FBXL2: variants seen among roughly 807,000 people sequenced by gnomAD.
The protein encoded by FBXL2 is F-box/LRR-repeat protein 2.
Under a neutral mutation model 69.2 loss-of-function variants are expected in FBXL2, and 38 were observed. The ratio of observed to expected loss-of-function variants is 0.55; its 90% confidence interval spans 0.42 to 0.72. The LOEUF (loss-of-function observed/expected upper bound fraction) is 0.72, where lower values mean the gene tolerates loss of function less well. Among genes scored for constraint, FBXL2 ranks in the 30% least tolerant of loss-of-function variants. FBXL2 has a pLI of 0.00. For synonymous variants in FBXL2, 192 were observed against 201.3 expected, an observed-to-expected ratio of 0.95 and a Z score of 0.39; for missense variants, 354 against 520.3, an observed-to-expected ratio of 0.68 and a Z score of 3.11.
intron 13 of FBXL2, among the ~76,000 whole-genome samples, chr3:33,379,759 A>G (rs1176419040): frequency 1.3e-5 from 2 of 152,190 alleles, no homozygotes; most frequent in African/African-American, 4.8e-5. Context: ...CTGTAACAAA[A>G]TATTAGCAAA....
chr3:33,357,508 C>G (rs1011037851), intron 2 of FBXL2, among the ~76,000 whole-genome samples: 31 of 145,524 alleles, frequency 2.1e-4, no homozygotes, highest in African/African-American at 7.1e-4. Context: ...CAGCATTTTT[C>G]TATGTACAAA....
At chr3:33,354,296 C>T (rs1248892918) in intron 2 of FBXL2, among the ~76,000 whole-genome samples, 1 of 151,890 alleles carries the variant, frequency 6.6e-6, no homozygotes, top group Non-Finnish European at 1.5e-5. Flanking sequence ...GGTGGATCAC[C>T]TGAGGTCAGG....
Position 33,384,073 on chromosome 3 carries a change from C to T in FBXL2, c.1036C>T (p.Leu346=), listed in dbSNP as rs1575423319. Residue 346 remains leucine, a synonymous_variant, in exon 14 of 15, where the codon CTG becomes TTG. Transcript: ENST00000484457. ...STCGHERLRV[L]ELDNCLLITD... ...CTGTGGCCATGAGAGGCTGCGGGTACTGGAGTTGGACAACTGCCTCCTCAT... is the reference window on the plus strand; with the variant it reads ...CTGTGGCCATGAGAGGCTGCGGGTATTGGAGTTGGACAACTGCCTCCTCAT... 1.9e-6 allele frequency: 3 copies of T among 1,614,180 alleles called. No individual in the cohort carries two copies. Among genetic ancestry groups the T allele is most frequent in the African/African-American group, 2.7e-5 (2 of 75,056 alleles).
intron 5 of FBXL2, 126 bp from the exon 6 acceptor site, chr3:33,372,966 C>T: frequency 1.2e-6 from 1 of 808,028 alleles, no homozygotes. Context: ...GACAAGAACC[C>T]TAGCTGATTG....
intron 2 of FBXL2, among the ~76,000 whole-genome samples, chr3:33,347,414 C>A (rs1051184134): frequency 3.3e-5 from 5 of 152,174 alleles, no homozygotes; most frequent in Non-Finnish European, 7.3e-5. Flanking sequence ...TTAATCCATT[C>A]GTCTGCTGAT....
chr3:33,279,526 C>T (rs2033732214), intron 1 of FBXL2, among the ~76,000 whole-genome samples: 1 of 152,168 alleles, frequency 6.6e-6, no homozygotes, highest in Admixed American at 6.5e-5. Context: ...GCCTTGGCCT[C>T]CCAAGCTGGG....
intron 2 of FBXL2, among the ~76,000 whole-genome samples, chr3:33,345,581 CCAA>C (rs2040371288): frequency 6.6e-6 from 1 of 152,180 alleles, no homozygotes; most frequent in South Asian, 2.1e-4. Context: ...AATGCTTTAT[CCAA>C]CAACAACAAA....
At chr3:33,281,547 T>C (rs2125668092) in intron 1 of FBXL2, among the ~76,000 whole-genome samples, 1 of 152,346 alleles carries the variant, frequency 6.6e-6, no homozygotes, top group African/African-American at 2.4e-5. Flanking sequence ...TATAATCCTT[T>C]GGGTATATAC....
chr3:33,394,640 G>A (rs1034231879), intron 12 of FBXL2, among the ~76,000 whole-genome samples: 3 of 152,044 alleles, frequency 2.0e-5, no homozygotes, highest in African/African-American at 7.2e-5. Context: ...ACATGGATCA[G>A]GAATATCATT....
At chr3:33,352,590 T>C (rs2040899056) in intron 2 of FBXL2, among the ~76,000 whole-genome samples, 1 of 152,192 alleles carries the variant, frequency 6.6e-6, no homozygotes, top group South Asian at 2.1e-4. Flanking sequence ...TAAAGAACTT[T>C]TAAAACTCAG....
At chr3:33,354,870 T>A (rs1028120389) in intron 2 of FBXL2, among the ~76,000 whole-genome samples, 1 of 152,334 alleles carries the variant, frequency 6.6e-6, no homozygotes, top group African/African-American at 2.4e-5. Flanking sequence ...ATGGACAAAT[T>A]TAGAAATATT....
At chr3:33,393,572 A>G in intron 12 of FBXL2, 1 of 938,528 alleles carries the variant, frequency 1.1e-6, no homozygotes, top group East Asian at 3.0e-5. Context: ...AAAGTAAAAA[A>G]ACATTTTAAA....
At chr3:33,394,081 A>G (rs530075610) in intron 12 of FBXL2, among the ~76,000 whole-genome samples, 1 of 151,924 alleles carries the variant, frequency 6.6e-6, no homozygotes, top group South Asian at 2.1e-4. Context: ...CAGTGACACA[A>G]TCACAGCTCA....
rs550556547 is a variant in FBXL2 at position 33,401,209 on chromosome 3, C to A, written n.1215-2025C>A. Among the ~76,000 whole-genome samples, 13 of 152,246 alleles carry A rather than the reference C, an allele frequency of 8.5e-5. No homozygotes were observed. In the East Asian group the frequency reaches 2.3e-3, roughly 27 times the overall value. On this transcript the variant is annotated intron_variant and non_coding_transcript_variant, in intron 12 of 12. Coordinates refer to the FBXL2 transcript ENST00000463736. ...TGGACATGATGACGAAATTAAGACA[C>A]AGAAGACTGTGTCTTAATTTGTGCC...
chr3:33,280,704 C>T (rs1185748881), intron 1 of FBXL2, among the ~76,000 whole-genome samples: 12 of 138,514 alleles, frequency 8.7e-5, no homozygotes, highest in African/African-American at 2.7e-4. Context: ...CAGAGCAAGG[C>T]CCTGTATCCA....
At chr3:33,348,134 A>G (rs949982201) in intron 2 of FBXL2, among the ~76,000 whole-genome samples, 2 of 152,078 alleles carry the variant, frequency 1.3e-5, no homozygotes, top group African/African-American at 4.8e-5. Context: ...CAATGCTTTC[A>G]TGTAATATTT....
chr3:33,392,396 T>G, downstream of FBXL2: 2 of 595,636 alleles, frequency 3.4e-6, no homozygotes, highest in South Asian at 5.5e-5. Context: ...CTCTTCCTTA[T>G]ATGCTAATTT....
Position 33,373,823 on chromosome 3 carries a change from CTTTTG to C in FBXL2, c.583-19_583-15del, listed in dbSNP as rs1030545907. 15 of 1,613,962 alleles carry C rather than the reference CTTTTG, an allele frequency of 9.3e-6. No individual in the cohort carries two copies. In the African/African-American group the frequency reaches 1.2e-4, roughly 13 times the overall value. ...GTTCCCTCACCTGGATTCCAGCTGT[CTTTTG>C]TTTTCTCTGTCCACTCAGTTAGAAG... On this transcript the variant is annotated intron_variant, in intron 8 of 14. Coordinates refer to ENST00000484457, the MANE Select transcript of FBXL2 (RefSeq NM_012157.5).
intron 2 of FBXL2, among the ~76,000 whole-genome samples, chr3:33,310,804 T>C (rs993355910): frequency 6.6e-6 from 1 of 152,086 alleles, no homozygotes; most frequent in Non-Finnish European, 1.5e-5. Context: ...AGATGGAGTC[T>C]AGTTCTGTTG....
Sources: gnomAD v4.1 joint callset for allele counts (sites outside exome capture counted in the v4.1 genomes callset) on GRCh38, gnomAD v4.1.1 for gene constraint, MANE v1.5 for transcripts, NCBI Gene and HGNC (gene_info 2026-07-23, HGNC 2026-07-21) for gene names.